Variants in ERICH3 observed in about 807,000 individuals in gnomAD.
ERICH3 encodes the protein glutamate-rich protein 3.
In ERICH3, 126 loss-of-function variants were observed where a neutral mutation model predicts 131.1. That is an observed-to-expected ratio of 0.96 (90% CI 0.83 to 1.11). The LOEUF (loss-of-function observed/expected upper bound fraction) is 1.11, where lower values mean the gene tolerates loss of function less well. ERICH3 is among the 50% of genes most tolerant of loss of function. ERICH3 has a pLI of 0.00. For missense variants in ERICH3, 2,050 were observed against 1,810.7 expected, an observed-to-expected ratio of 1.13 and a Z score of -2.40; for synonymous variants, 695 against 644.6, an observed-to-expected ratio of 1.08 and a Z score of -1.18.
At position 74,606,768 on chromosome 1, in the gene ERICH3, T is replaced by C. The variant is rs866653193; in HGVS notation, c.1322A>G (p.Lys441Arg). 1 of 1,613,450 alleles carries C rather than the reference T, an allele frequency of 6.2e-7. No homozygotes were observed. Among genetic ancestry groups the C allele is most frequent in the Non-Finnish European group, 8.5e-7 (1 of 1,179,606 alleles). Residue 441 changes from lysine to arginine, a missense_variant, in exon 10 of 15, where the codon AAA becomes AGA. Lys to Arg is a conservative substitution (Grantham distance 26). Transcript: ENST00000326665. ...TTTGTTCTCCTTGATCTCATTTCTT[T>C]TTGGTATCACATACTCTCTCTCTTT... ...VRKEREYVIP[K>R]RNEIKENKTS... is the part of the protein sequence containing the mutation.
chr1:74,579,402 A>T, intron 12 of ERICH3: 1 of 985,356 alleles, frequency 1.0e-6, no homozygotes, highest in African/African-American at 1.7e-5. Flanking sequence ...ATTAAAACTC[A>T]CTCAGAAATG....
At chr1:74,600,480 G>A (rs1648076596) in intron 10 of ERICH3, among the ~76,000 whole-genome samples, 1 of 151,568 alleles carries the variant, frequency 6.6e-6, no homozygotes, top group South Asian at 2.1e-4. Flanking sequence ...CATTATGAAG[G>A]ATTCTATATG....
intron 9 of ERICH3, among the ~76,000 whole-genome samples, chr1:74,611,493 A>G (rs149209617): frequency 2.8e-4 from 43 of 152,294 alleles, no homozygotes; most frequent in African/African-American, 9.9e-4. Context: ...CTATTAAATC[A>G]TGACAAGTCA....
At chr1:74,668,089 A>C (rs951452370) in intron 1 of ERICH3, among the ~76,000 whole-genome samples, 1 of 152,152 alleles carries the variant, frequency 6.6e-6, no homozygotes, top group Non-Finnish European at 1.5e-5. Context: ...CAGAACTATA[A>C]GTCAATTAAA....
In ERICH3 at chr1:74,649,235, A is replaced by C. The variant is rs756869210; in HGVS notation, c.104T>G (p.Leu35Ter). The C allele has an allele frequency of 6.2e-7, 1 of 1,610,522 alleles. No individual in the cohort carries two copies. Among genetic ancestry groups the C allele is most frequent in the South Asian group, 1.1e-5 (1 of 90,648 alleles). ...FNNTRIRRHL[L>*]RSGLITRSGR... ...ACCAAAACTTACCAGTCCTGATCTTAAGAGATGACGCCTTATCCTTGTATT... is the reference window on the plus strand; with the variant it reads ...ACCAAAACTTACCAGTCCTGATCTTCAGAGATGACGCCTTATCCTTGTATT... Residue 35 changes from leucine to a stop codon, truncating the protein, a stop_gained, in exon 2 of 15, where the codon TTA (leucine) becomes TGA (stop). Coordinates refer to ENST00000326665, the MANE Select transcript of ERICH3 (RefSeq NM_001002912.5). LOFTEE classifies it high-confidence loss of function.
chr1:74,636,436 T>C lies in ERICH3; in HGVS notation c.447A>G (p.Thr149=). ...CTGGAGCAGTATATGGTCGAGGGGC[T>C]GTCTAGACAATTAGGGGAAAAAATT... ...DEGHSSPLAL[T]APRPYTAPGN... Residue 149 remains threonine (T), a splice_region_variant and synonymous_variant, in exon 6 of 15, where the codon ACA becomes ACG. Coordinates refer to ENST00000326665, the MANE Select transcript of ERICH3 (RefSeq NM_001002912.5). The C allele has an allele frequency of 6.3e-7, 1 of 1,598,100 alleles. No individual in the cohort carries two copies. Among genetic ancestry groups the C allele is most frequent in the South Asian group, 1.1e-5 (1 of 88,022 alleles).
chr1:74,598,108 C>A (rs1008632819), intron 11 of ERICH3, among the ~76,000 whole-genome samples: 3 of 151,886 alleles, frequency 2.0e-5, no homozygotes, highest in African/African-American at 4.8e-5. Context: ...GTTTTCCATA[C>A]ATTTTCTTAT....
At chr1:74,571,057 G>T in intron 14 of ERICH3, 42 bp downstream of exon 14, 1 of 1,555,040 alleles carries the variant, frequency 6.4e-7, no homozygotes, top group Admixed American at 1.8e-5. Context: ...CCCACCGCAG[G>T]GCTGCTATTT....
chr1:74,630,219 G>A (rs1242962645), intron 7 of ERICH3, among the ~76,000 whole-genome samples: 4 of 152,182 alleles, frequency 2.6e-5, no homozygotes, highest in Admixed American at 2.0e-4. Flanking sequence ...TCTTTTGAGA[G>A]CATGTTCATT....
Position 74,589,668 on chromosome 1 carries a change from C to T in ERICH3, c.2139G>A (p.Lys713=). The T allele has an allele frequency of 6.2e-7, 1 of 1,613,810 alleles. No individual in the cohort carries two copies. Among genetic ancestry groups the T allele is most frequent in the South Asian group, 1.1e-5 (1 of 91,042 alleles). ...ACCCAGGGAGACCTGCCTTTTTGTCCTTCACCTGAGCAGTGCTTTCTTCCC... is the reference window on the plus strand; with the variant it reads ...ACCCAGGGAGACCTGCCTTTTTGTCTTTCACCTGAGCAGTGCTTTCTTCCC... ...KLWEESTAQV[K]DKKAGLPGLE... The change falls in exon 12 of 15, where the codon AAG becomes AAA. Residue 713 remains lysine, a synonymous_variant. Coordinates refer to ENST00000326665, the MANE Select transcript of ERICH3 (RefSeq NM_001002912.5).
At position 74,572,250 on chromosome 1, in the gene ERICH3, C is replaced by A; in HGVS notation, c.3460G>T (p.Val1154Phe). Residue 1154 changes from valine to phenylalanine, a missense_variant, in exon 14 of 15, where the codon GTT becomes TTT. Transcript: ENST00000326665. ...CCAGGCGTTGCTTCAAATATGGGAA[C>A]CACTGTCTCTTTTAGTGAATCTTCT... is the stretch of plus-strand genomic sequence containing the variant. ...LGEDSLKETV[V>F]PIFEATPGFE... 6.2e-7 allele frequency: 1 copy of A among 1,614,120 alleles called. No individual in the cohort carries two copies. The highest frequency in any genetic ancestry group is 8.5e-7 in the Non-Finnish European group (1 of 1,180,016).
chr1:74,589,980 G>A lies in ERICH3; in HGVS notation c.1827C>T (p.Ser609=), dbSNP rs372260329. The A allele has an allele frequency of 6.2e-7, 1 of 1,613,964 alleles. No individual in the cohort carries two copies. The highest frequency in any genetic ancestry group is 1.3e-5 in the African/African-American group (1 of 75,020). The change falls in exon 12 of 15, where the codon AGC becomes AGT. Residue 609 remains serine, a synonymous_variant. Transcript: ENST00000326665. ...ACCTTCTGGCACTTTCATCTGTGCT[G>A]CTGTCAGTGTGGGCTTCCCTGTCCC... ...AVGDREAHTD[S]STDESARRSS... is the part of the protein sequence containing the mutation.
chr1:74,634,839 G>C, intron 6 of ERICH3: 2 of 589,454 alleles, frequency 3.4e-6, no homozygotes. Flanking sequence ...TTCCCAAGAT[G>C]AGATGGGTGT....
intron 12 of ERICH3, 110 bp downstream of exon 12, chr1:74,589,521 C>T: frequency 2.9e-6 from 3 of 1,047,440 alleles, no homozygotes; most frequent in Non-Finnish European, 2.8e-6. Flanking sequence ...AATCTTGAAT[C>T]CCTAAAGCAT....
chr1:74,673,667 G>C lies in ERICH3; in HGVS notation c.-148C>G, dbSNP rs1000804645. 15 of 670,634 alleles carry C rather than the reference G, an allele frequency of 2.2e-5. No homozygotes were observed. In the African/African-American group the frequency reaches 2.9e-4, roughly 13 times the overall value. The allele number at this position is 670,634 out of a possible 1,614,324, so 41.5% of individuals were successfully genotyped here. A position where few individuals can be genotyped will look rare whatever the true frequency, so the allele number is the denominator to read the frequency against. On this transcript the variant is annotated 5_prime_UTR_variant, in exon 1 of 15. Coordinates refer to ENST00000326665, the MANE Select transcript of ERICH3 (RefSeq NM_001002912.5). ...CGGGCACCTGGGCTGGGCCGCCGCCGCCCCTGGGCGCCCGGGCTACCCGCA... is the reference window on the plus strand; with the variant it reads ...CGGGCACCTGGGCTGGGCCGCCGCCCCCCCTGGGCGCCCGGGCTACCCGCA...
intron 10 of ERICH3, among the ~76,000 whole-genome samples, chr1:74,606,187 C>T (rs1294128719): frequency 1.3e-5 from 2 of 151,880 alleles, no homozygotes; most frequent in African/African-American, 4.8e-5. Flanking sequence ...TTAGTTATGG[C>T]ATACTCTATC....
Position 74,570,027 on chromosome 1 carries a change from C to T in ERICH3, c.*431G>A, listed in dbSNP as rs1646917311. 6.6e-6 allele frequency: 1 copy of T among 152,054 alleles called. No homozygotes were observed. The highest frequency in any genetic ancestry group is 2.1e-4 in the South Asian group (1 of 4,836). The allele number at this position is 152,054 out of a possible 1,614,324, so 9.4% of individuals were successfully genotyped here. ...ACCACAGATTTTTAAATAAAATTCCCATGTATGAAATTGAGATTGTGGAAT... is the reference window on the plus strand; with the variant it reads ...ACCACAGATTTTTAAATAAAATTCCTATGTATGAAATTGAGATTGTGGAAT... On this transcript the variant is annotated 3_prime_UTR_variant, in exon 15 of 15. Coordinates refer to ENST00000326665, the MANE Select transcript of ERICH3 (RefSeq NM_001002912.5).
At chr1:74,615,517 C>G (rs186496925) in intron 8 of ERICH3, among the ~76,000 whole-genome samples, 13 of 152,188 alleles carry the variant, frequency 8.5e-5, no homozygotes, top group African/African-American at 2.2e-4. Context: ...GTTTTAGGCA[C>G]TAAAGATAAA....
intron 8 of ERICH3, 108 bp downstream of exon 8, chr1:74,620,626 A>G: frequency 1.1e-6 from 1 of 932,326 alleles, no homozygotes; most frequent in East Asian, 2.7e-5. Flanking sequence ...GTCCCTGGAT[A>G]TGCATAATTT....
Sources: gnomAD v4.1 joint callset for allele counts (sites outside exome capture counted in the v4.1 genomes callset) on GRCh38, gnomAD v4.1.1 for gene constraint, MANE v1.5 for transcripts, NCBI Gene and HGNC (gene_info 2026-07-23, HGNC 2026-07-21) for gene names.